Variants in MICU1 observed in about 807,000 individuals in gnomAD.
MICU1 encodes calcium uptake protein 1, mitochondrial.
Under a neutral mutation model 56.8 loss-of-function variants are expected in MICU1, and 45 were observed. That is an observed-to-expected ratio of 0.79 (90% CI 0.62 to 1.02). MICU1 has a LOEUF of 1.02. MICU1 is among the 50% of genes least tolerant of loss of function. The pLI, the probability that MICU1 is intolerant of heterozygous loss-of-function variation, is 0.00. For synonymous variants in MICU1, 186 were observed against 195.1 expected, an observed-to-expected ratio of 0.95 and a Z score of 0.39; for missense variants, 504 against 587.1, an observed-to-expected ratio of 0.86 and a Z score of 1.46.
In MICU1 at chr10:72,565,475, G is replaced by A. The variant is rs189205426; in HGVS notation, c.161+1158C>T. Among the ~76,000 whole-genome samples, 7 of 121,164 alleles carry A rather than the reference G, an allele frequency of 5.8e-5. No homozygotes were observed. The East Asian group carries it at 1.5e-3, about 25-fold the overall frequency. The allele number at this position is 121,164 out of a possible 152,430, so 79.5% of individuals were successfully genotyped here. Reference sequence around the variant, plus strand: ...GGACACAGGAAGGGGAACATCACACGCCGGGGCCTGTTGTGGGGTGGGGGG... The same window carrying A: ...GGACACAGGAAGGGGAACATCACACACCGGGGCCTGTTGTGGGGTGGGGGG... On this transcript the variant is annotated intron_variant, in intron 2 of 11. Transcript: ENST00000361114.
intron 5 of MICU1, among the ~76,000 whole-genome samples, chr10:72,526,270 G>A (rs953338903): frequency 1.6e-4 from 24 of 152,106 alleles, no homozygotes; most frequent in African/African-American, 5.8e-4. Context: ...TGTTGAATTT[G>A]TTCCTCAATT....
At chr10:72,625,103 G>A (rs897422119) in intron 1 of MICU1, among the ~76,000 whole-genome samples, 1 of 152,130 alleles carries the variant, frequency 6.6e-6, no homozygotes, top group South Asian at 2.1e-4. Flanking sequence ...CCAAAGGGAT[G>A]TTCTAATATA....
intron 1 of MICU1, among the ~76,000 whole-genome samples, chr10:72,595,782 C>T (rs546524337): frequency 9.2e-5 from 14 of 152,198 alleles, no homozygotes; most frequent in African/African-American, 2.4e-4. Flanking sequence ...TCTTCTCACA[C>T]GCTACCACTG....
At chr10:72,431,080 A>G (rs1455610802) in intron 8 of MICU1, among the ~76,000 whole-genome samples, 2 of 136,376 alleles carry the variant, frequency 1.5e-5, no homozygotes, top group Non-Finnish European at 3.2e-5. Flanking sequence ...CTTTGAATAT[A>G]CCTTTATCTG....
chr10:72,619,852 A>G (rs935087193), intron 1 of MICU1, among the ~76,000 whole-genome samples: 5 of 152,200 alleles, frequency 3.3e-5, no homozygotes, highest in Admixed American at 2.6e-4. Flanking sequence ...ATGTAAAGGC[A>G]TAAAGACACA....
intron 8 of MICU1, among the ~76,000 whole-genome samples, chr10:72,425,716 A>G (rs1405445790): frequency 1.3e-5 from 2 of 152,124 alleles, no homozygotes; most frequent in Non-Finnish European, 1.5e-5. Flanking sequence ...CTGAGGCAGG[A>G]ACCCCCTTAT....
intron 6 of MICU1, among the ~76,000 whole-genome samples, chr10:72,501,266 G>T (rs1867059356): frequency 1.3e-5 from 2 of 151,994 alleles, no homozygotes; most frequent in African/African-American, 4.8e-5. Flanking sequence ...ACAAATATAT[G>T]AATTCTGAAT....
At chr10:72,518,299 G>T (rs758390066) in intron 5 of MICU1, among the ~76,000 whole-genome samples, 2 of 151,972 alleles carry the variant, frequency 1.3e-5, no homozygotes, top group Non-Finnish European at 2.9e-5. Flanking sequence ...CTCCCAAACT[G>T]CTGGGATTAC....
chr10:72,423,532 A>G (rs1031473303), intron 8 of MICU1, among the ~76,000 whole-genome samples, 161 bp from the exon 9 acceptor site: 3 of 152,220 alleles, frequency 2.0e-5, no homozygotes, highest in African/African-American at 7.2e-5. Flanking sequence ...TAAGAAACAG[A>G]AGATATAGGT....
At chr10:72,375,628 T>C (rs1399972406) in intron 11 of MICU1, among the ~76,000 whole-genome samples, 155 bp downstream of exon 11, 1 of 152,226 alleles carries the variant, frequency 6.6e-6, no homozygotes, top group African/African-American at 2.4e-5. Flanking sequence ...CTCAGTATCA[T>C]CATGCCAAGG....
chr10:72,468,723 A>G (rs1006809226), intron 8 of MICU1, among the ~76,000 whole-genome samples: 22 of 152,202 alleles, frequency 1.4e-4, no homozygotes, highest in African/African-American at 4.8e-4. Flanking sequence ...TTTAGGTAGT[A>G]TCTTGCAAGC....
At chr10:72,498,318 G>A (rs1428477094) in intron 6 of MICU1, among the ~76,000 whole-genome samples, 1 of 152,216 alleles carries the variant, frequency 6.6e-6, no homozygotes, top group African/African-American at 2.4e-5. Context: ...GGGCACAGTG[G>A]CTCACACCTG....
chr10:72,577,696 A>C (rs1229403661), intron 1 of MICU1, among the ~76,000 whole-genome samples: 1 of 152,120 alleles, frequency 6.6e-6, no homozygotes, highest in Non-Finnish European at 1.5e-5. Context: ...GCGTCAAAAA[A>C]ATTGTTTTTG....
At chr10:72,515,939 T>C (rs1256539583) in intron 5 of MICU1, among the ~76,000 whole-genome samples, 4 of 152,240 alleles carry the variant, frequency 2.6e-5, no homozygotes, top group Non-Finnish European at 2.9e-5. Flanking sequence ...TTTGGTGTCC[T>C]GCTTCTTTGG....
intron 5 of MICU1, among the ~76,000 whole-genome samples, chr10:72,514,464 T>C (rs1437858780): frequency 6.6e-6 from 1 of 152,266 alleles, no homozygotes; most frequent in South Asian, 2.1e-4. Flanking sequence ...TTCTTCCCCT[T>C]CCTCAGGGTT....
chr10:72,380,443 G>A (rs1054999998), intron 10 of MICU1, among the ~76,000 whole-genome samples: 1 of 152,122 alleles, frequency 6.6e-6, no homozygotes, highest in South Asian at 2.1e-4. Context: ...GGCAGAATCC[G>A]AGTTGTGTCA....
intron 3 of MICU1, among the ~76,000 whole-genome samples, chr10:72,551,588 TTTTG>T (rs1840037410): frequency 6.6e-6 from 1 of 152,210 alleles, no homozygotes; most frequent in Admixed American, 6.5e-5. Flanking sequence ...CTCATGTAAC[TTTTG>T]TTTAAAACTT....
intron 8 of MICU1, among the ~76,000 whole-genome samples, chr10:72,449,838 G>A (rs1006103753): frequency 1.3e-5 from 2 of 152,084 alleles, no homozygotes; most frequent in Admixed American, 6.5e-5. Flanking sequence ...GGGAAGTGGA[G>A]TGGGCAAAAT....
At chr10:72,565,126 CAA>C (rs869255991) in intron 2 of MICU1, among the ~76,000 whole-genome samples, 10 of 97,980 alleles carry the variant, frequency 1.0e-4, no homozygotes, top group Non-Finnish European at 1.1e-4. Context: ...ACTAAAAATA[CAA>C]AAAAAAAAAA....
Sources: gnomAD v4.1 joint callset for allele counts (sites outside exome capture counted in the v4.1 genomes callset) on GRCh38, gnomAD v4.1.1 for gene constraint, MANE v1.5 for transcripts, NCBI Gene and HGNC (gene_info 2026-07-23, HGNC 2026-07-21) for gene names.